Variants in SIK3 observed in about 807,000 individuals in gnomAD.
SIK3 encodes serine/threonine-protein kinase SIK3.
SIK3 carries 28 observed loss-of-function variants against 144.2 expected under a neutral mutation model. That is an observed-to-expected ratio of 0.19 (90% confidence interval 0.14 to 0.27). The LOEUF is 0.27. Among genes scored for constraint, SIK3 ranks in the 10% least tolerant of loss-of-function variants. The pLI is 1.00. For missense variants in SIK3, 1,319 were observed against 1,776.0 expected (o/e 0.74, Z 4.62); for synonymous variants, 686 against 676.3 (o/e 1.01, Z -0.22).
chr11:116,991,515 G>C (rs915894418), intron 1 of SIK3, among the ~76,000 whole-genome samples: 4 of 152,026 alleles, frequency 2.6e-5, no homozygotes, highest in African/African-American at 9.7e-5. Context: ...AGAGAAACAG[G>C]TATAATTTGA....
intron 1 of SIK3, among the ~76,000 whole-genome samples, chr11:116,979,181 T>C (rs1950055334): frequency 6.6e-6 from 1 of 152,146 alleles, no homozygotes; most frequent in Non-Finnish European, 1.5e-5. Flanking sequence ...TTTTTCCCTG[T>C]TTGGTGGGGG....
At position 116,958,031 on chromosome 11, in the gene SIK3, T is replaced by A. The variant is rs1185720676; in HGVS notation, c.274-967A>T. Among the ~76,000 whole-genome samples, 3 of 152,214 alleles carry A rather than the reference T, an allele frequency of 2.0e-5. No individual in the cohort carries two copies. In the East Asian group the frequency reaches 5.8e-4, roughly 29 times the overall value. On this transcript the variant is annotated intron_variant, in intron 1 of 24. Transcript: ENST00000445177. ...AGTGAAATACTTAAAATATTTGTGT[T>A]GCTCCAAAATATGTCTATATCTCAG...
rs1565345727 is a variant in SIK3 at position 116,844,642 on chromosome 11, A to ATATATATATAATATATATAT, written c.*1000_*1001insATATATATATTATATATATA. On this transcript the variant is annotated 3_prime_UTR_variant, in exon 25 of 25. Coordinates refer to ENST00000445177, the MANE Select transcript of SIK3 (RefSeq NM_001366686.3). The stretch of plus-strand genomic sequence containing the variant: ...TAATATATATATAATATATTATATT[A>ATATATATATAATATATATAT]TATATTATATATATAATATATATAT... 1.3e-5 allele frequency: 1 copy of ATATATATATAATATATATAT among 79,496 alleles called. No individual in the cohort carries two copies. The highest frequency in any genetic ancestry group is 1.2e-4 in the Admixed American group (1 of 8,054). The allele number at this position is 79,496 out of a possible 1,614,324, so 4.9% of individuals were successfully genotyped here.
chr11:116,940,343 C>T (rs1216513175), intron 3 of SIK3, among the ~76,000 whole-genome samples: 1 of 151,084 alleles, frequency 6.6e-6, no homozygotes, highest in East Asian at 1.9e-4. Context: ...GATTCTTGTA[C>T]CTCAGCCTCC....
intron 4 of SIK3, among the ~76,000 whole-genome samples, chr11:116,915,562 T>TATAG (rs3056863): frequency 0.075 from 11,350 of 152,094 alleles, 498 homozygotes; most frequent in Middle Eastern, 0.11. Context: ...CTGGATATAA[T>TATAG]ATAGATAGAT....
Position 116,857,890 on chromosome 11 carries a change from C to T in SIK3, c.3575G>A (p.Ser1192Asn). The T allele has an allele frequency of 6.2e-7, 1 of 1,614,220 alleles. No individual in the cohort carries two copies. The highest frequency in any genetic ancestry group is 8.5e-7 in the Non-Finnish European group (1 of 1,180,046). The change falls in exon 21 of 25, where the codon AGT becomes AAT. Residue 1192 changes from serine to asparagine, a missense_variant. Transcript: ENST00000445177. ...ATGTATCCCCAATTCTTGGGCATGA[C>T]TCACAGTTCCTAGCAAAGATTCAGG... ...GDPESLLGTVSHAQELGIHPY... is the reference protein window; with the variant it reads ...GDPESLLGTVNHAQELGIHPY...
intron 3 of SIK3, among the ~76,000 whole-genome samples, chr11:116,942,419 A>G (rs1342127134): frequency 1.3e-5 from 2 of 152,244 alleles, no homozygotes; most frequent in Non-Finnish European, 2.9e-5. Context: ...GGTAGGAAAC[A>G]AAAATGACAA....
intron 1 of SIK3, among the ~76,000 whole-genome samples, chr11:117,064,314 C>A (rs1953920556): frequency 6.6e-6 from 1 of 152,192 alleles, no homozygotes; most frequent in Non-Finnish European, 1.5e-5. Flanking sequence ...TATACCCCTA[C>A]AACTTTTTAA....
At chr11:116,920,113 G>A (rs1446479380) in intron 4 of SIK3, among the ~76,000 whole-genome samples, 1 of 150,400 alleles carries the variant, frequency 6.6e-6, no homozygotes, top group Non-Finnish European at 1.5e-5. Context: ...GCCTTCTCGG[G>A]GAGACTCCTC....
chr11:116,861,352 TG>T lies in SIK3; in HGVS notation c.2346del (p.Asn783ThrfsTer18). The T allele has an allele frequency of 3.8e-6, 6 of 1,595,856 alleles. No individual in the cohort carries two copies. Among genetic ancestry groups the T allele is most frequent in the Admixed American group, 3.7e-5 (2 of 54,520 alleles). On this transcript the variant is annotated frameshift_variant, in exon 19 of 25. Coordinates refer to ENST00000445177, the MANE Select transcript of SIK3 (RefSeq NM_001366686.3). LOFTEE classifies it high-confidence loss of function. ...CTGAAGAGATGGTTGTTGGGGTGGT[TG>T]GGGGGTGGGCTTGAAGGCTGAATCC... ...RLRIQPSSPP[P>X]NHPNNHLFRQ...
At position 116,876,941 on chromosome 11, in the gene SIK3, C is replaced by T. The variant is rs1221633058; in HGVS notation, c.967G>A (p.Asp323Asn). The T allele has an allele frequency of 1.9e-6, 3 of 1,614,092 alleles. No individual in the cohort carries two copies. The highest frequency in any genetic ancestry group is 1.1e-5 in the South Asian group (1 of 91,074). ...KHKWMKLGDA[D>N]PNFDRLIAEC... ...CAGCTCACCCTGTCAAAGTTGGGAT[C>T]GGCGTCCCCTAGCTTCATCCACTTG... Residue 323 changes from aspartate to asparagine, a missense_variant, in exon 7 of 25, where the codon GAT becomes AAT. Physicochemically the swap from Asp to Asn is conservative, Grantham distance 23 (BLOSUM62 1). Transcript: ENST00000445177.
intron 1 of SIK3, among the ~76,000 whole-genome samples, chr11:117,066,299 CT>C (rs1246201553): frequency 6.6e-6 from 1 of 151,888 alleles, no homozygotes; most frequent in African/African-American, 2.4e-5. Context: ...AACTCCTGAC[CT>C]TAAGTGATCC....
chr11:116,911,852 G>T (rs539874683), intron 4 of SIK3, among the ~76,000 whole-genome samples: 1 of 152,178 alleles, frequency 6.6e-6, no homozygotes, highest in Non-Finnish European at 1.5e-5. Flanking sequence ...ATCCCTTACT[G>T]CTTATTTACT....
intron 1 of SIK3, among the ~76,000 whole-genome samples, chr11:117,010,064 C>G (rs547322052): frequency 6.6e-6 from 1 of 152,036 alleles, no homozygotes; most frequent in East Asian, 2.0e-4. Context: ...AAAAGGGTCA[C>G]ATGATCATCA....
At chr11:116,873,419 G>A in intron 13 of SIK3, 62 bp downstream of exon 13, 1 of 1,611,566 alleles carries the variant, frequency 6.2e-7, no homozygotes, top group Non-Finnish European at 8.5e-7. Flanking sequence ...CCAACCCCAG[G>A]CTCACAACCT....
At chr11:117,082,455 T>C (rs185362827) in intron 1 of SIK3, among the ~76,000 whole-genome samples, 1 of 152,114 alleles carries the variant, frequency 6.6e-6, no homozygotes, top group East Asian at 1.9e-4. Context: ...AAAAAAATAA[T>C]GAGATTCCAA....
At chr11:117,054,624 C>T (rs568829324) in intron 1 of SIK3, among the ~76,000 whole-genome samples, 28 of 152,192 alleles carry the variant, frequency 1.8e-4, no homozygotes, top group Admixed American at 1.8e-3. Context: ...GCACATGTTT[C>T]GGAAGCACAA....
At chr11:116,979,524 TAAAC>T (rs1426447002) in intron 1 of SIK3, among the ~76,000 whole-genome samples, 1 of 152,148 alleles carries the variant, frequency 6.6e-6, no homozygotes. Context: ...GTAACTCACA[TAAAC>T]AAAAGCAATT....
intron 6 of SIK3, among the ~76,000 whole-genome samples, chr11:116,885,667 G>A (rs573786596): frequency 6.6e-6 from 1 of 152,282 alleles, no homozygotes; most frequent in East Asian, 1.9e-4. Context: ...TCCCGATGCA[G>A]ACAAATATAT....
Sources: gnomAD v4.1 joint callset for allele counts (sites outside exome capture counted in the v4.1 genomes callset) on GRCh38, gnomAD v4.1.1 for gene constraint, MANE v1.5 for transcripts, NCBI Gene and HGNC (gene_info 2026-07-23, HGNC 2026-07-21) for gene names.